The following KRT79 variants were observed in gnomAD, a reference collection of about 807,000 sequenced individuals.
KRT79 encodes the protein keratin 79, also known as keratin, type II cytoskeletal 79.
Under a neutral mutation model 49.0 loss-of-function variants are expected in KRT79, and 51 were observed. The observed-to-expected ratio is 1.04, with a 90% CI of 0.83 to 1.31. The LOEUF (loss-of-function observed/expected upper bound fraction) is 1.31, where lower values mean the gene tolerates loss of function less well. Ranked by LOEUF, KRT79 falls within the 40% of genes most tolerant of loss-of-function variation. KRT79 has a pLI of 0.00. For missense variants in KRT79, 728 were observed against 688.0 expected (o/e 1.06, Z -0.65); for synonymous variants, 312 against 286.6 (o/e 1.09, Z -0.90).
Position 52,824,936 on chromosome 12 carries a change from G to A in KRT79, c.856-574C>T, listed in dbSNP as rs577516590. On this transcript the variant is annotated intron_variant, in intron 4 of 8. Coordinates refer to ENST00000330553, the MANE Select transcript of KRT79 (RefSeq NM_175834.3). ...TGGGACCAGTCAATTGCACCACAAA[G>A]CCCAAGTGGTTTCCTCTAGAGCACA... 2.6e-5 allele frequency among the ~76,000 whole-genome samples: 4 copies of A among 152,322 alleles called. No individual in the cohort carries two copies. The East Asian group carries it at 7.7e-4, about 29-fold the overall frequency.
intron 2 of KRT79, among the ~76,000 whole-genome samples, chr12:52,830,627 A>G (rs1461690174): frequency 1.3e-5 from 2 of 152,244 alleles, no homozygotes; most frequent in African/African-American, 4.8e-5. Context: ...ATCACTTTCA[A>G]CAACACAGTG....
chr12:52,830,460 G>A (rs2121286678), intron 2 of KRT79, 168 bp from the exon 3 acceptor site: 2 of 602,036 alleles, frequency 3.3e-6, no homozygotes, highest in East Asian at 5.5e-5. Flanking sequence ...GGTCTGCCTT[G>A]ATTTAAACAT....
intron 4 of KRT79, among the ~76,000 whole-genome samples, chr12:52,828,604 G>A (rs1047454137): frequency 2.0e-5 from 3 of 152,190 alleles, no homozygotes; most frequent in African/African-American, 7.2e-5. Flanking sequence ...ATGGTTAACT[G>A]TTCCACTCAA....
intron 4 of KRT79, among the ~76,000 whole-genome samples, chr12:52,827,776 C>T (rs934644032): frequency 2.0e-5 from 3 of 152,184 alleles, no homozygotes; most frequent in African/African-American, 7.2e-5. Context: ...TTGTCATTTG[C>T]CTCTTTTCCA....
At chr12:52,830,157 G>A (rs1164953737) in intron 3 of KRT79, 39 bp from the exon 4 acceptor site, 3 of 1,612,098 alleles carry the variant, frequency 1.9e-6, no homozygotes, top group South Asian at 2.2e-5. Flanking sequence ...CAGGCCCCAG[G>A]GATGTCCCCT....
In KRT79 at chr12:52,826,864, G is replaced by C. The variant is rs565946696; in HGVS notation, c.856-2502C>G. The stretch of plus-strand genomic sequence containing the variant: ...GCATTGGTTACTGAGAGCCATGCTG[G>C]TTCCGTGACTGATCGAGCCCATGAG... On this transcript the variant is annotated intron_variant, in intron 4 of 8. Transcript: ENST00000330553. 6.5e-4 allele frequency among the ~76,000 whole-genome samples: 99 copies of C among 152,304 alleles called. 1 individual carries two copies. The highest frequency in any genetic ancestry group is 2.3e-3 in the African/African-American group (95 of 41,550).
chr12:52,824,308 C>T lies in KRT79; in HGVS notation c.910G>A (p.Asp304Asn). Residue 304 changes from aspartate to asparagine, a missense_variant, in exon 5 of 9, where the codon GAC becomes AAC. Coordinates refer to ENST00000330553, the MANE Select transcript of KRT79 (RefSeq NM_175834.3). ...TCCAGGTCCAGGTTGCGGTTGTTGT[C>T]CATGGACAGCACCACATTGGTGTTA... ...VSNTNVVLSM[D>N]NNRNLDLDSI... is the part of the protein sequence containing the mutation. 29 of 1,614,208 alleles carry T rather than the reference C, an allele frequency of 1.8e-5. No homozygotes were observed. The highest frequency in any genetic ancestry group is 2.5e-5 in the Non-Finnish European group (29 of 1,180,044).
intron 2 of KRT79, 32 bp downstream of exon 2, chr12:52,831,374 C>T (rs1240959877): frequency 6.2e-7 from 1 of 1,602,718 alleles, no homozygotes; most frequent in African/African-American, 1.3e-5. Flanking sequence ...CTCCTCACTC[C>T]CACATGGCCC....
intron 4 of KRT79, 109 bp from the exon 5 acceptor site, chr12:52,824,471 G>T: frequency 8.9e-7 from 1 of 1,120,870 alleles, no homozygotes; most frequent in Non-Finnish European, 1.3e-6. Flanking sequence ...CTGTGCTCTT[G>T]TCCAGGCTCC....
Position 52,834,189 on chromosome 12 carries a change from C to T in KRT79, c.72G>A (p.Gly24=). ...AGCTGGTGCGGGCCTGGGACCCACT[C>T]CCTCCGCTGGCAGAGTTGGAGCTGA... is the stretch of plus-strand genomic sequence containing the variant. ...GGFSSNSASG[G]SGSQARTSFS... is the part of the protein sequence containing the mutation. Residue 24 remains glycine (G), a synonymous_variant, in exon 1 of 9, where the codon GGG becomes GGA. Coordinates refer to ENST00000330553, the MANE Select transcript of KRT79 (RefSeq NM_175834.3). 1 of 1,613,852 alleles carries T rather than the reference C, an allele frequency of 6.2e-7. No homozygotes were observed. Among genetic ancestry groups the T allele is most frequent in the Non-Finnish European group, 8.5e-7 (1 of 1,179,986 alleles).
In KRT79 at chr12:52,823,126, C is replaced by T; in HGVS notation, c.1257G>A (p.Lys419=). The T allele has an allele frequency of 6.2e-7, 1 of 1,614,210 alleles. No homozygotes were observed. Among genetic ancestry groups the T allele is most frequent in the South Asian group, 1.1e-5 (1 of 91,086 alleles). ...GDLDVALHQA[K]EDLTRLLRDY... ...CACGCAGCAGCCGTGTCAGGTCCTC[C>T]TTGGCCTGGTGCAGGGCCACATCCA... The change falls in exon 7 of 9, where the codon AAG becomes AAA. Residue 419 remains lysine (K), a synonymous_variant. Coordinates refer to ENST00000330553, the MANE Select transcript of KRT79 (RefSeq NM_175834.3).
chr12:52,832,739 C>T (rs896295223), intron 1 of KRT79, among the ~76,000 whole-genome samples: 3 of 152,148 alleles, frequency 2.0e-5, no homozygotes, highest in African/African-American at 7.2e-5. Context: ...CTATTGTGAG[C>T]AGTAACAACT....
rs1412049917 is a variant in KRT79 at position 52,823,918 on chromosome 12, A to C, written c.1115T>G (p.Leu372Arg). The C allele has an allele frequency of 8.1e-6, 13 of 1,613,670 alleles. No homozygotes were observed. Among genetic ancestry groups the C allele is most frequent in the Non-Finnish European group, 9.3e-6 (11 of 1,179,926 alleles). The change falls in exon 6 of 9, where the codon CTG becomes CGG. Residue 372 changes from leucine (L) to arginine (R), a missense_variant. By Grantham distance (102) the Leu-to-Arg change is moderately radical (BLOSUM62 -2). Coordinates refer to ENST00000330553, the MANE Select transcript of KRT79 (RefSeq NM_175834.3). The stretch of plus-strand genomic sequence containing the variant: ...CTTGGCTGCATCAGCCTCCCCCTGC[A>C]GCCTCTGGATAGTGCGGGTGAGCTC... ...IAELTRTIQR[L>R]QGEADAAKKQ... is the part of the protein sequence containing the mutation.
chr12:52,823,975 T>C lies in KRT79; in HGVS notation c.1058A>G (p.Asp353Gly). Residue 353 changes from aspartate to glycine, a missense_variant, in exon 6 of 9, where the codon GAC becomes GGC. Transcript: ENST00000330553. ...CTCGTTCTTGGTGTCCCGCAGGTTG[T>C]CCCCATGCTTCCCAGCAGTCACCTG... is the stretch of plus-strand genomic sequence containing the variant. ...ELQVTAGKHG[D>G]NLRDTKNEIA... 6.2e-7 allele frequency: 1 copy of C among 1,614,060 alleles called. No homozygotes were observed. Among genetic ancestry groups the C allele is most frequent in the Non-Finnish European group, 8.5e-7 (1 of 1,180,000 alleles).
rs1230911007 is a variant in KRT79 at position 52,830,042 on chromosome 12, A to G, written c.836T>C (p.Leu279Pro). The stretch of plus-strand genomic sequence containing the variant: ...CCTCACCATTTCATAGAGTTGCTGC[A>G]GGAAGTCAATCTCCTGGGTCAAGGT... ...VGTLTQEIDF[L>P]QQLYEMELSQ... The change falls in exon 4 of 9, where the codon CTG becomes CCG. Residue 279 changes from leucine to proline, a missense_variant. Coordinates refer to ENST00000330553, the MANE Select transcript of KRT79 (RefSeq NM_175834.3). 1 of 1,614,206 alleles carries G rather than the reference A, an allele frequency of 6.2e-7. No individual in the cohort carries two copies. The highest frequency in any genetic ancestry group is 8.5e-7 in the Non-Finnish European group (1 of 1,180,028).
rs1940252454 is a variant in KRT79 at position 52,831,402 on chromosome 12, T to A, written c.698+4A>T. 7.4e-6 allele frequency: 12 copies of A among 1,613,930 alleles called. No homozygotes were observed. The highest frequency in any genetic ancestry group is 1.0e-5 in the Non-Finnish European group (12 of 1,179,842). On this transcript the variant is annotated splice_donor_region_variant and intron_variant, in intron 2 of 8. Coordinates refer to ENST00000330553, the MANE Select transcript of KRT79 (RefSeq NM_175834.3). ...CATGGCCCCGCCTGGCCTGCTCTCC[T>A]CACTTGTTCTTGAAGTCCTCCACAA...
At position 52,823,048 on chromosome 12, in the gene KRT79, G is replaced by A. The variant is rs7309587; in HGVS notation, c.1335C>T (p.Thr445=). Residue 445 remains threonine, a synonymous_variant, in exon 7 of 9, where the codon ACC becomes ACT. Coordinates refer to ENST00000330553, the MANE Select transcript of KRT79 (RefSeq NM_175834.3). ...VKLALDVEIA[T]YRKLLESEES... ...CCTCGCTCTCCAGAAGCTTGCGGTAGGTGGCAATCTCCACGTCCAGGGCCA... is the reference window on the plus strand; with the variant it reads ...CCTCGCTCTCCAGAAGCTTGCGGTAAGTGGCAATCTCCACGTCCAGGGCCA... The A allele has an allele frequency of 1.6e-4, 253 of 1,614,172 alleles. 2 individuals carry two copies. In the African/African-American group the frequency reaches 3.1e-3, roughly 20 times the overall value.
intron 1 of KRT79, among the ~76,000 whole-genome samples, chr12:52,831,892 C>T (rs1040842419): frequency 2.6e-5 from 4 of 152,222 alleles, no homozygotes; most frequent in African/African-American, 7.2e-5. Flanking sequence ...TAACCTTGGT[C>T]GAATCATTTC....
chr12:52,830,201 A>G (rs766464607), intron 3 of KRT79, 31 bp downstream of exon 3: 6 of 1,613,980 alleles, frequency 3.7e-6, no homozygotes, highest in Non-Finnish European at 5.1e-6. Context: ...TGGCAGCCAA[A>G]GGACCACCTC....
Sources: gnomAD v4.1 joint callset for allele counts (sites outside exome capture counted in the v4.1 genomes callset) on GRCh38, gnomAD v4.1.1 for gene constraint, MANE v1.5 for transcripts, NCBI Gene and HGNC (gene_info 2026-07-23, HGNC 2026-07-21) for gene names.